Variants in NOPCHAP1 observed in about 807,000 individuals in gnomAD.
NOPCHAP1 encodes NOP protein chaperone 1, also known as DNA damage-sensitive RNA 1.
NOPCHAP1 carries 13 observed loss-of-function variants against 14.0 expected under a neutral mutation model. The observed-to-expected ratio is 0.93, with a 90% CI of 0.60 to 1.47. The LOEUF (loss-of-function observed/expected upper bound fraction) is 1.47, where lower values mean the gene tolerates loss of function less well. Among genes scored for constraint, NOPCHAP1 ranks in the 40% most tolerant of loss-of-function variants. The pLI, the probability that NOPCHAP1 is intolerant of heterozygous loss-of-function variation, is 0.00. For synonymous variants in NOPCHAP1, 78 were observed against 78.4 expected (o/e 1.00, Z 0.03); for missense variants, 230 against 226.9 (o/e 1.01, Z -0.09).
In NOPCHAP1 at chr12:105,013,874, A is replaced by T. The variant is rs2136034646; in HGVS notation, c.*19178A>T. 6.6e-6 allele frequency: 1 copy of T among 152,652 alleles called. No homozygotes were observed. The highest frequency in any genetic ancestry group is 1.5e-5 in the Non-Finnish European group (1 of 68,340). The allele number at this position is 152,652 out of a possible 1,614,324, so 9.5% of individuals were successfully genotyped here. A position where few individuals can be genotyped will look rare whatever the true frequency, so the allele number is the denominator to read the frequency against. The stretch of plus-strand genomic sequence containing the variant: ...ACCCACTGTCTAACCAGTCCCAATG[A>T]GGTGAGCTGGGTACCTCAGTTGGAA... On this transcript the variant is annotated 3_prime_UTR_variant, in exon 4 of 4. Coordinates refer to ENST00000552951, the MANE Select transcript of NOPCHAP1 (RefSeq NM_152318.3).
Position 105,016,616 on chromosome 12 carries a change from C to T in NOPCHAP1, c.*21920C>T, listed in dbSNP as rs1239126185. On this transcript the variant is annotated 3_prime_UTR_variant, in exon 4 of 4. Transcript: ENST00000552951. ...TCTTACATGGCAGCAGGCAAGAGAG[C>T]TTGTGTAGGGGAGCTCCCCTTTATA... 6.6e-6 allele frequency: 1 copy of T among 152,156 alleles called. No individual in the cohort carries two copies. Among genetic ancestry groups the T allele is most frequent in the Non-Finnish European group, 1.5e-5 (1 of 68,086 alleles). 9.4% of individuals were successfully genotyped at this position (152,156 alleles called of 1,614,324 possible).
intron 1 of NOPCHAP1, among the ~76,000 whole-genome samples, chr12:104,987,753 G>A (rs545077837): frequency 6.6e-6 from 1 of 152,312 alleles, no homozygotes; most frequent in African/African-American, 2.4e-5. Flanking sequence ...TTTTACTAAT[G>A]AAGAAACAAA....
In NOPCHAP1 at chr12:104,998,474, G is replaced by C. The variant is rs931987319; in HGVS notation, c.*3778G>C. 3 of 152,206 alleles carry C rather than the reference G, an allele frequency of 2.0e-5. No individual in the cohort carries two copies. The highest frequency in any genetic ancestry group is 6.5e-5 in the Admixed American group (1 of 15,284). The allele number at this position is 152,206 out of a possible 1,614,324, so 9.4% of individuals were successfully genotyped here. ...AGGCTCAACTCAGGATTCCTGGACT[G>C]TATGCTGTAATTCTGGGGGGCTGAT... On this transcript the variant is annotated 3_prime_UTR_variant, in exon 4 of 4. Coordinates refer to ENST00000552951, the MANE Select transcript of NOPCHAP1 (RefSeq NM_152318.3).
At chr12:104,988,368 C>A in intron 2 of NOPCHAP1, 115 bp downstream of exon 2, 1 of 691,794 alleles carries the variant, frequency 1.4e-6, no homozygotes, top group Non-Finnish European at 2.4e-6. Context: ...TCCAGTGGAA[C>A]AAGTCCTACT....
At chr12:104,988,808 A>G (rs1873308133) in intron 2 of NOPCHAP1, among the ~76,000 whole-genome samples, 1 of 152,234 alleles carries the variant, frequency 6.6e-6, no homozygotes, top group Non-Finnish European at 1.5e-5. Context: ...TAATGAAGGT[A>G]TCACATCAAT....
Position 104,994,741 on chromosome 12 carries a change from A to G in NOPCHAP1, c.*45A>G. 2 of 1,499,484 alleles carry G rather than the reference A, an allele frequency of 1.3e-6. No individual in the cohort carries two copies. The highest frequency in any genetic ancestry group is 2.3e-5 in the East Asian group (1 of 44,354). 92.9% of individuals were successfully genotyped at this position (1,499,484 alleles called of 1,614,324 possible). On this transcript the variant is annotated 3_prime_UTR_variant, in exon 4 of 4. Transcript: ENST00000552951. The stretch of plus-strand genomic sequence containing the variant: ...AGAAACAGGTGACATATGTCTGCAA[A>G]TTCTGTGAAAAAGAATGTGATTCAC...
At position 104,991,287 on chromosome 12, in the gene NOPCHAP1, C is replaced by T. The variant is rs144110206; in HGVS notation, c.203-425C>T. On this transcript the variant is annotated intron_variant, in intron 2 of 3. Coordinates refer to ENST00000552951, the MANE Select transcript of NOPCHAP1 (RefSeq NM_152318.3). ...GGTTATATTATCAGAAGAAAGGGAA[C>T]GTATGTTGGGTAGGCAGAAATAACC... Among the ~76,000 whole-genome samples the T allele has an allele frequency of 4.5e-4, 68 of 152,236 alleles. No homozygotes were observed. In the East Asian group the frequency reaches 0.011, roughly 25 times the overall value.
At position 104,994,521 on chromosome 12, in the gene NOPCHAP1, T is replaced by A; in HGVS notation, c.383T>A (p.Val128Glu). 6.2e-7 allele frequency: 1 copy of A among 1,613,708 alleles called. No individual in the cohort carries two copies. ...FEMNQSDSKE[V>E]DSSEESSQDS... is the part of the protein sequence containing the mutation. ...ATGAATCAGTCGGATTCAAAAGAAG[T>A]GGACAGTTCAGAAGAGAGTTCACAA... Residue 128 changes from valine (V) to glutamate (E), a missense_variant, in exon 4 of 4, where the codon GTG (valine) becomes GAG (glutamate). Val to Glu is a moderately radical substitution (Grantham distance 121). Transcript: ENST00000552951.
At position 105,007,557 on chromosome 12, in the gene NOPCHAP1, G is replaced by T. The variant is rs1157600633; in HGVS notation, c.*12861G>T. On this transcript the variant is annotated 3_prime_UTR_variant, in exon 4 of 4. Coordinates refer to ENST00000552951, the MANE Select transcript of NOPCHAP1 (RefSeq NM_152318.3). ...ATGCGATAACCATAAGAGATCACTT[G>T]CAGGTTTGTTACGTAGGTATACACG... is the stretch of plus-strand genomic sequence containing the variant. 1 of 152,174 alleles carries T rather than the reference G, an allele frequency of 6.6e-6. No individual in the cohort carries two copies. The highest frequency in any genetic ancestry group is 1.9e-4 in the East Asian group (1 of 5,192). The allele number at this position is 152,174 out of a possible 1,614,324, so 9.4% of individuals were successfully genotyped here. A position where few individuals can be genotyped will look rare whatever the true frequency, so the allele number is the denominator to read the frequency against.
Position 105,008,404 on chromosome 12 carries a change from T to C in NOPCHAP1, c.*13708T>C, listed in dbSNP as rs913134493. ...ATTAGCTCTTTGTCAGATGGATACA[T>C]TGCAAAAACTTTCTCCCATTCTATA... On this transcript the variant is annotated 3_prime_UTR_variant, in exon 4 of 4. Transcript: ENST00000552951. 6.6e-6 allele frequency: 1 copy of C among 152,212 alleles called. No homozygotes were observed. The highest frequency in any genetic ancestry group is 2.4e-5 in the African/African-American group (1 of 41,464). 9.4% of individuals were successfully genotyped at this position (152,212 alleles called of 1,614,324 possible). A position where few individuals can be genotyped will look rare whatever the true frequency, so the allele number is the denominator to read the frequency against.
chr12:104,994,964 G>A lies in NOPCHAP1; in HGVS notation c.*268G>A. On this transcript the variant is annotated 3_prime_UTR_variant, in exon 4 of 4. Transcript: ENST00000552951. ...AGCTGAACACAGAAGTAGAGTACAG[G>A]AATAACTTGATGGGTTACAGCTAGG... The A allele has an allele frequency of 2.5e-6, 1 of 403,662 alleles. No individual in the cohort carries two copies. The highest frequency in any genetic ancestry group is 2.3e-5 in the South Asian group (1 of 43,342). The allele number at this position is 403,662 out of a possible 1,614,324, so 25.0% of individuals were successfully genotyped here. A position where few individuals can be genotyped will look rare whatever the true frequency, so the allele number is the denominator to read the frequency against.
In NOPCHAP1 at chr12:104,996,528, A is replaced by G. The variant is rs1873504903; in HGVS notation, c.*1832A>G. On this transcript the variant is annotated 3_prime_UTR_variant, in exon 4 of 4. Coordinates refer to ENST00000552951, the MANE Select transcript of NOPCHAP1 (RefSeq NM_152318.3). ...AATCTGCACCCTCCTCCCACCCTCCATCCTCAAGTGGGCCCTAATGTCTGG... is the reference window on the plus strand; with the variant it reads ...AATCTGCACCCTCCTCCCACCCTCCGTCCTCAAGTGGGCCCTAATGTCTGG... 1 of 152,092 alleles carries G rather than the reference A, an allele frequency of 6.6e-6. No individual in the cohort carries two copies. The highest frequency in any genetic ancestry group is 2.4e-5 in the African/African-American group (1 of 41,404). The allele number at this position is 152,092 out of a possible 1,614,324, so 9.4% of individuals were successfully genotyped here.
intron 2 of NOPCHAP1, 140 bp from the exon 3 acceptor site, chr12:104,991,572 G>A: frequency 1.2e-6 from 1 of 805,468 alleles, no homozygotes; most frequent in South Asian, 2.2e-5. Flanking sequence ...AGAGGATGGA[G>A]GGTTTTTAAA....
intron 2 of NOPCHAP1, among the ~76,000 whole-genome samples, chr12:104,990,909 C>T (rs1408464579): frequency 6.6e-6 from 1 of 152,198 alleles, no homozygotes; most frequent in Non-Finnish European, 1.5e-5. Context: ...TCAGGTGCAT[C>T]TGGATCCAGG....
At position 105,007,093 on chromosome 12, in the gene NOPCHAP1, C is replaced by G. The variant is rs77013021; in HGVS notation, c.*12397C>G. ...GCATCTTATGCTGGCATTGAATTAT[C>G]CAGCTTTAGACCCTTCACTTTCCCT... On this transcript the variant is annotated 3_prime_UTR_variant, in exon 4 of 4. Coordinates refer to ENST00000552951, the MANE Select transcript of NOPCHAP1 (RefSeq NM_152318.3). 1 of 151,416 alleles carries G rather than the reference C, an allele frequency of 6.6e-6. No individual in the cohort carries two copies. Among genetic ancestry groups the G allele is most frequent in the Non-Finnish European group, 1.5e-5 (1 of 67,946 alleles). The allele number at this position is 151,416 out of a possible 1,614,324, so 9.4% of individuals were successfully genotyped here.
rs1036217191 is a variant in NOPCHAP1 at position 104,995,421 on chromosome 12, A to G, written c.*725A>G. ...AGTAGCAAAATCTGGAAAAATAGGT[A>G]CAACATTCAGTTTTGTTTAGCACCA... On this transcript the variant is annotated 3_prime_UTR_variant, in exon 4 of 4. Coordinates refer to ENST00000552951, the MANE Select transcript of NOPCHAP1 (RefSeq NM_152318.3). 5.9e-5 allele frequency: 9 copies of G among 152,264 alleles called. No homozygotes were observed. The highest frequency in any genetic ancestry group is 2.2e-4 in the African/African-American group (9 of 41,430). The allele number at this position is 152,264 out of a possible 1,614,324, so 9.4% of individuals were successfully genotyped here.
chr12:104,996,526 C>G lies in NOPCHAP1; in HGVS notation c.*1830C>G, dbSNP rs951711102. The G allele has an allele frequency of 2.0e-5, 3 of 152,158 alleles. No individual in the cohort carries two copies. The highest frequency in any genetic ancestry group is 7.2e-5 in the African/African-American group (3 of 41,428). 9.4% of individuals were successfully genotyped at this position (152,158 alleles called of 1,614,324 possible). ...TAAATCTGCACCCTCCTCCCACCCT[C>G]CATCCTCAAGTGGGCCCTAATGTCT... On this transcript the variant is annotated 3_prime_UTR_variant, in exon 4 of 4. Coordinates refer to ENST00000552951, the MANE Select transcript of NOPCHAP1 (RefSeq NM_152318.3).
At position 104,994,991 on chromosome 12, in the gene NOPCHAP1, GT is replaced by G. The variant is rs1873468860; in HGVS notation, c.*298del. 6 of 355,084 alleles carry G rather than the reference GT, an allele frequency of 1.7e-5. No individual in the cohort carries two copies. Among genetic ancestry groups the G allele is most frequent in the South Asian group, 1.5e-4 (6 of 39,412 alleles). 22.0% of individuals were successfully genotyped at this position (355,084 alleles called of 1,614,324 possible). A position where few individuals can be genotyped will look rare whatever the true frequency, so the allele number is the denominator to read the frequency against. On this transcript the variant is annotated 3_prime_UTR_variant, in exon 4 of 4. Coordinates refer to ENST00000552951, the MANE Select transcript of NOPCHAP1 (RefSeq NM_152318.3). The stretch of plus-strand genomic sequence containing the variant: ...ATAACTTGATGGGTTACAGCTAGGT[GT>G]TTGCCTAAATAAGGCAAAGAGGAGA...
rs1050000771 is a variant in NOPCHAP1, at chr12:105,014,326, A to G, written c.*19630A>G. The G allele has an allele frequency of 6.6e-6, 1 of 152,204 alleles. No individual in the cohort carries two copies. The highest frequency in any genetic ancestry group is 2.4e-5 in the African/African-American group (1 of 41,444). The allele number at this position is 152,204 out of a possible 1,614,324, so 9.4% of individuals were successfully genotyped here. On this transcript the variant is annotated 3_prime_UTR_variant, in exon 4 of 4. Transcript: ENST00000552951. ...AATGATGAGATAGACTGGTATCTAC[A>G]TATATTTAATGCATTTTTGACGTAC...
Sources: gnomAD v4.1 joint callset for allele counts (sites outside exome capture counted in the v4.1 genomes callset) on GRCh38, gnomAD v4.1.1 for gene constraint, MANE v1.5 for transcripts, NCBI Gene and HGNC (gene_info 2026-07-23, HGNC 2026-07-21) for gene names.